RC3H1: variants seen among roughly 807,000 people sequenced by gnomAD.
RC3H1 encodes roquin-1.
In RC3H1, 50 loss-of-function variants were observed where a neutral mutation model predicts 138.2. The ratio of observed to expected loss-of-function variants is 0.36; its 90% CI spans 0.29 to 0.46. RC3H1 has a LOEUF of 0.46. Among genes scored for constraint, RC3H1 ranks in the 20% least tolerant of loss-of-function variants. The pLI is 1.00. For missense variants in RC3H1, 1,031 were observed against 1,388.1 expected, an observed-to-expected ratio of 0.74 and a Z score of 4.09; for synonymous variants, 462 against 489.1, an observed-to-expected ratio of 0.94 and a Z score of 0.73.
In RC3H1 at chr1:173,931,204, A is replaced by G. The variant is rs1046030471; in HGVS notation, c.*7517T>C. 12 of 152,234 alleles carry G rather than the reference A, an allele frequency of 7.9e-5. No individual in the cohort carries two copies. The highest frequency in any genetic ancestry group is 2.9e-4 in the African/African-American group (12 of 41,462). The allele number at this position is 152,234 out of a possible 1,614,324, so 9.4% of individuals were successfully genotyped here. On this transcript the variant is annotated 3_prime_UTR_variant, in exon 20 of 20. Transcript: ENST00000367696. ...TAAGATGGCACACACTCATTTACAA[A>G]ATACACACGTTCCTCATTAATTTAT...
chr1:173,983,969 T>TA (rs1660922710), intron 3 of RC3H1, among the ~76,000 whole-genome samples: 1 of 152,238 alleles, frequency 6.6e-6, no homozygotes, highest in Non-Finnish European at 1.5e-5. Context: ...GTTTATAATG[T>TA]AAATCTTGAA....
chr1:173,939,821 T>G (rs1658764979), intron 19 of RC3H1, among the ~76,000 whole-genome samples: 1 of 150,388 alleles, frequency 6.6e-6, no homozygotes, highest in Non-Finnish European at 1.5e-5. Context: ...GGTGACGGAG[T>G]GAGACTCCAT....
chr1:173,942,882 C>G (rs1055292252), intron 18 of RC3H1, among the ~76,000 whole-genome samples: 1 of 151,612 alleles, frequency 6.6e-6, no homozygotes. Context: ...TATCATGCAA[C>G]CTGAGGAAGC....
At chr1:173,981,559 A>G (rs903869479) in intron 5 of RC3H1, among the ~76,000 whole-genome samples, 3 of 152,216 alleles carry the variant, frequency 2.0e-5, no homozygotes, top group Non-Finnish European at 4.4e-5. Flanking sequence ...ATACAATTCT[A>G]TATTCTGAAA....
At chr1:173,990,595 C>CA in intron 2 of RC3H1, among the ~76,000 whole-genome samples, 2 of 147,194 alleles carry the variant, frequency 1.4e-5, no homozygotes, top group East Asian at 4.1e-4. Flanking sequence ...TTTTTTGAGA[C>CA]AGAGTGTCAC....
At chr1:174,002,114 A>C (rs1661575161) in intron 1 of RC3H1, among the ~76,000 whole-genome samples, 1 of 152,162 alleles carries the variant, frequency 6.6e-6, no homozygotes, top group Non-Finnish European at 1.5e-5. Context: ...CTTCTTTTCT[A>C]AATCAGAAAG....
intron 14 of RC3H1, among the ~76,000 whole-genome samples, chr1:173,950,144 G>GGGTACAGA (rs775443645): frequency 1.1e-4 from 17 of 151,992 alleles, no homozygotes; most frequent in Non-Finnish European, 2.1e-4. Context: ...ACTCCAGCCT[G>GGGTACAGA]GGTACAGAGT....
chr1:174,005,798 C>T (rs1020222960), intron 1 of RC3H1, among the ~76,000 whole-genome samples: 1 of 152,188 alleles, frequency 6.6e-6, no homozygotes, highest in East Asian at 1.9e-4. Flanking sequence ...AGCTGTGATC[C>T]ATGCAACAGT....
At chr1:173,991,440 T>A (rs921779032) in intron 2 of RC3H1, among the ~76,000 whole-genome samples, 23 of 152,222 alleles carry the variant, frequency 1.5e-4, no homozygotes, top group Non-Finnish European at 1.5e-5. Context: ...TTTTTACTTC[T>A]TATCTGAATG....
At chr1:173,964,705 A>G in intron 10 of RC3H1, 134 bp downstream of exon 10, 1 of 862,534 alleles carries the variant, frequency 1.2e-6, no homozygotes, top group Middle Eastern at 3.6e-4. Context: ...CATGGGAAAT[A>G]AAAAAGCAAC....
chr1:174,006,533 C>T (rs1271454604), intron 1 of RC3H1, among the ~76,000 whole-genome samples: 1 of 152,152 alleles, frequency 6.6e-6, no homozygotes, highest in Non-Finnish European at 1.5e-5. Context: ...ACTCCAAAAC[C>T]TGTATTTTTT....
intron 13 of RC3H1, among the ~76,000 whole-genome samples, chr1:173,955,652 T>A (rs114012321): frequency 6.6e-6 from 1 of 152,006 alleles, no homozygotes; most frequent in Non-Finnish European, 1.5e-5. Context: ...AAACACTATG[T>A]CAACAATGTT....
chr1:173,942,428 C>CAAAAAAAAAAAAAAAAAAAA (rs60694243), intron 18 of RC3H1, among the ~76,000 whole-genome samples: 14 of 38,078 alleles, frequency 3.7e-4, no homozygotes, highest in African/African-American at 1.9e-3. Context: ...GACTCAGTCT[C>CAAAAAAAAAAAAAAAAAAAA]AAAAAAAAAA....
chr1:173,984,638 G>C lies in RC3H1; in HGVS notation c.232-19C>G. ...CAGGGACCTGGAGGCCAAAAGAAAA[G>C]ATCTGTATGAGTGCTCAATTCATTA... On this transcript the variant is annotated intron_variant, in intron 2 of 19. Transcript: ENST00000367696. 6.2e-7 allele frequency: 1 copy of C among 1,609,890 alleles called. No homozygotes were observed. The highest frequency in any genetic ancestry group is 8.5e-7 in the Non-Finnish European group (1 of 1,178,806).
intron 1 of RC3H1, among the ~76,000 whole-genome samples, chr1:174,010,104 T>C (rs986721030): frequency 6.6e-6 from 1 of 152,156 alleles, no homozygotes; most frequent in African/African-American, 2.4e-5. Context: ...TGCACATTTC[T>C]GGTAATCATG....
chr1:174,011,426 T>C (rs1297094782), intron 1 of RC3H1, among the ~76,000 whole-genome samples: 1 of 151,704 alleles, frequency 6.6e-6, no homozygotes, highest in African/African-American at 2.4e-5. Context: ...AAAATTGACA[T>C]ATAAAATATG....
chr1:174,004,852 C>T (rs1445735368), intron 1 of RC3H1, among the ~76,000 whole-genome samples: 3 of 151,644 alleles, frequency 2.0e-5, no homozygotes, highest in Admixed American at 6.6e-5. Context: ...TTCAGAGTAA[C>T]ATGCAAAGGC....
At chr1:173,964,358 T>TC (rs1177021793) in intron 10 of RC3H1, among the ~76,000 whole-genome samples, 171 bp from the exon 11 acceptor site, 1 of 151,390 alleles carries the variant, frequency 6.6e-6, no homozygotes, top group Non-Finnish European at 1.5e-5. Flanking sequence ...TTGTTTCTTT[T>TC]CTTTTTTTTT....
At chr1:174,017,905 TCAGTG>T (rs1661892167) in intron 1 of RC3H1, among the ~76,000 whole-genome samples, 1 of 136,490 alleles carries the variant, frequency 7.3e-6, no homozygotes, top group Non-Finnish European at 1.5e-5. Context: ...ACAGTAATAA[TCAGTG>T]AAGGTATACC....
Sources: gnomAD v4.1 joint callset for allele counts (sites outside exome capture counted in the v4.1 genomes callset) on GRCh38, gnomAD v4.1.1 for gene constraint, MANE v1.5 for transcripts, NCBI Gene and HGNC (gene_info 2026-07-23, HGNC 2026-07-21) for gene names.